RPS6KA2: variants seen among roughly 807,000 people sequenced by gnomAD.
RPS6KA2 encodes ribosomal protein S6 kinase A2, also known as ribosomal protein S6 kinase alpha-2.
In RPS6KA2, 42 loss-of-function variants were observed where a neutral mutation model predicts 91.8. The ratio of observed to expected loss-of-function variants is 0.46; its 90% CI spans 0.36 to 0.59. The LOEUF (loss-of-function observed/expected upper bound fraction) is 0.59. Among genes scored for constraint, RPS6KA2 ranks in the 20% least tolerant of loss-of-function variants. The pLI is 0.00. For missense variants in RPS6KA2, 798 were observed against 978.5 expected (o/e 0.82, Z 2.46); for synonymous variants, 414 against 393.6 (o/e 1.05, Z -0.61).
intron 14 of RPS6KA2, among the ~76,000 whole-genome samples, chr6:166,436,254 T>C (rs1420097933): frequency 6.7e-6 from 1 of 148,750 alleles, no homozygotes; most frequent in Non-Finnish European, 1.5e-5. Flanking sequence ...GTCCGTGCCA[T>C]GAAGCAGTGT....
At chr6:166,609,526 AG>A (rs1450458428) in intron 1 of RPS6KA2, among the ~76,000 whole-genome samples, 15 of 129,056 alleles carry the variant, frequency 1.2e-4, no homozygotes, top group Non-Finnish European at 2.1e-4. Flanking sequence ...TTTTTTTTTG[AG>A]ACAGAGTTTT....
intron 2 of RPS6KA2, among the ~76,000 whole-genome samples, chr6:166,660,300 T>TTGTGTGTGTGCATGTG (rs566273733): frequency 0.15 from 22,043 of 150,274 alleles, 1,622 homozygotes; most frequent in Middle Eastern, 0.19. Context: ...CTGTATCTCA[T>TTGTGTGTGTGCATGTG]TGTGTGTGTG....
At chr6:166,450,568 G>A (rs1487952045) in intron 13 of RPS6KA2, among the ~76,000 whole-genome samples, 1 of 149,418 alleles carries the variant, frequency 6.7e-6, no homozygotes, top group Non-Finnish European at 1.5e-5. Context: ...CCACCCAAGG[G>A]ACCACCATGA....
At chr6:166,789,337 G>C (rs1562440918) in intron 2 of RPS6KA2, among the ~76,000 whole-genome samples, 1 of 152,250 alleles carries the variant, frequency 6.6e-6, no homozygotes, top group Non-Finnish European at 1.5e-5. Context: ...GCCCAGGTTT[G>C]ATTAGGTAAA....
At chr6:166,701,409 T>C in intron 2 of RPS6KA2, 1 of 1,294,050 alleles carries the variant, frequency 7.7e-7, no homozygotes, top group East Asian at 2.3e-5. Flanking sequence ...TTTTCTTCTT[T>C]CATTTTTCCA....
chr6:166,564,416 CT>C (rs1374008234), intron 1 of RPS6KA2, among the ~76,000 whole-genome samples: 6 of 152,318 alleles, frequency 3.9e-5, no homozygotes, highest in Non-Finnish European at 7.3e-5. Context: ...ACATTCTGCA[CT>C]GCAGAGGGCC....
intron 16 of RPS6KA2, among the ~76,000 whole-genome samples, chr6:166,426,090 A>G (rs1583115937): frequency 6.6e-6 from 1 of 152,204 alleles, no homozygotes; most frequent in Non-Finnish European, 1.5e-5. Flanking sequence ...AAGAGAAATT[A>G]TAACAAACTA....
chr6:166,661,343 G>A (rs1182830728), intron 2 of RPS6KA2, among the ~76,000 whole-genome samples: 9 of 152,118 alleles, frequency 5.9e-5, no homozygotes, highest in South Asian at 2.1e-4. Context: ...CAGGCGATCC[G>A]CCCGCCTCGG....
chr6:166,766,942 T>C (rs1422790874), intron 2 of RPS6KA2, among the ~76,000 whole-genome samples: 1 of 152,220 alleles, frequency 6.6e-6, no homozygotes. Context: ...CCTGTGGGCC[T>C]AACGTGCCTC....
At chr6:166,842,701 G>A (rs957268265) in intron 2 of RPS6KA2, among the ~76,000 whole-genome samples, 15 of 152,188 alleles carry the variant, frequency 9.9e-5, no homozygotes, top group Non-Finnish European at 1.5e-5. Context: ...CCAGCTCCGT[G>A]CTTCTTAGCC....
In RPS6KA2 at chr6:166,627,111, C is replaced by T. The variant is rs1287369448; in HGVS notation, c.-92G>A. On this transcript the variant is annotated 5_prime_UTR_variant, in exon 1 of 21. Coordinates refer to ENST00000265678, the MANE Select transcript of RPS6KA2 (RefSeq NM_021135.6). ...GGGCTCAGGTCCGCGGGCGGGCACGCGTGGCCAGGGAGCCCGGCACGGCGG... is the reference window on the plus strand; with the variant it reads ...GGGCTCAGGTCCGCGGGCGGGCACGTGTGGCCAGGGAGCCCGGCACGGCGG... 4.2e-6 allele frequency: 5 copies of T among 1,187,962 alleles called. No homozygotes were observed. The highest frequency in any genetic ancestry group is 5.2e-6 in the Non-Finnish European group (5 of 957,438). 73.6% of individuals were successfully genotyped at this position (1,187,962 alleles called of 1,614,324 possible).
chr6:166,558,304 G>A (rs1448170043), intron 1 of RPS6KA2, among the ~76,000 whole-genome samples: 1 of 152,116 alleles, frequency 6.6e-6, no homozygotes, highest in East Asian at 1.9e-4. Flanking sequence ...AGCTCAAGCT[G>A]TCAGGCAGGA....
chr6:166,646,840 C>T (rs1236785049), intron 2 of RPS6KA2, among the ~76,000 whole-genome samples: 1 of 152,222 alleles, frequency 6.6e-6, no homozygotes, highest in African/African-American at 2.4e-5. Context: ...AGGCACCTTT[C>T]CCCTCTCCAG....
chr6:166,660,325 T>C (rs955653596), intron 2 of RPS6KA2, among the ~76,000 whole-genome samples: 2 of 151,678 alleles, frequency 1.3e-5, no homozygotes, highest in Non-Finnish European at 2.9e-5. Context: ...TGTGTGTGTG[T>C]GCATGTGTGT....
intron 2 of RPS6KA2, among the ~76,000 whole-genome samples, chr6:166,719,826 G>T (rs1408127812): frequency 6.6e-6 from 1 of 152,196 alleles, no homozygotes; most frequent in African/African-American, 2.4e-5. Flanking sequence ...CATCATCCTA[G>T]TTATGCTGAT....
intron 2 of RPS6KA2, among the ~76,000 whole-genome samples, chr6:166,844,324 A>G (rs1246250055): frequency 6.6e-6 from 1 of 152,250 alleles, no homozygotes; most frequent in Non-Finnish European, 1.5e-5. Flanking sequence ...AAAGAAGAGA[A>G]ATCTAAAAGT....
At chr6:166,651,096 G>A (rs755774615) in intron 2 of RPS6KA2, among the ~76,000 whole-genome samples, 21 of 152,252 alleles carry the variant, frequency 1.4e-4, no homozygotes, top group East Asian at 1.9e-4. Context: ...AAATGTCAGC[G>A]CCTTGCTCAG....
intron 1 of RPS6KA2, among the ~76,000 whole-genome samples, chr6:166,550,845 C>CA (rs1485414774): frequency 7.2e-5 from 11 of 151,758 alleles, no homozygotes; most frequent in South Asian, 6.2e-4. Context: ...TACTAAAATA[C>CA]AAAAAATTAG....
At chr6:166,560,643 T>C (rs1784315638) in intron 1 of RPS6KA2, among the ~76,000 whole-genome samples, 1 of 150,066 alleles carries the variant, frequency 6.7e-6, no homozygotes, top group Admixed American at 6.6e-5. Context: ...AGAAATGGGG[T>C]GGTCGCGAAA....
Sources: gnomAD v4.1 joint callset for allele counts (sites outside exome capture counted in the v4.1 genomes callset) on GRCh38, gnomAD v4.1.1 for gene constraint, MANE v1.5 for transcripts, NCBI Gene and HGNC (gene_info 2026-07-23, HGNC 2026-07-21) for gene names.